The following CCNY variants were observed in gnomAD, a reference collection of about 807,000 sequenced individuals.
CCNY encodes cyclin Y.
Under a neutral mutation model 42.8 loss-of-function variants are expected in CCNY, and 19 were observed. That is an observed-to-expected ratio of 0.44 (90% CI 0.31 to 0.65). The LOEUF is 0.65. CCNY is among the 30% of genes least tolerant of loss of function. CCNY has a pLI of 0.07. For synonymous variants in CCNY, 165 were observed against 162.7 expected, an observed-to-expected ratio of 1.01 and a Z score of -0.11; for missense variants, 370 against 437.3, an observed-to-expected ratio of 0.85 and a Z score of 1.37.
At chr10:35,367,221 C>G (rs751490921) in intron 1 of CCNY, among the ~76,000 whole-genome samples, 2 of 152,046 alleles carry the variant, frequency 1.3e-5, no homozygotes, top group Non-Finnish European at 2.9e-5. Flanking sequence ...GTAGAGTGTT[C>G]TATTTTATAG....
At chr10:35,448,421 T>A (rs929235890) in intron 1 of CCNY, among the ~76,000 whole-genome samples, 3 of 152,236 alleles carry the variant, frequency 2.0e-5, no homozygotes, top group Non-Finnish European at 4.4e-5. Flanking sequence ...TTAATTTCTC[T>A]ATGTCTCTTT....
At chr10:35,434,904 C>A (rs920823914) in intron 1 of CCNY, among the ~76,000 whole-genome samples, 9 of 152,162 alleles carry the variant, frequency 5.9e-5, no homozygotes, top group Non-Finnish European at 1.2e-4. Context: ...TACTTTCTTT[C>A]TACTTAATGT....
At chr10:35,552,246 G>A (rs949963176) in intron 7 of CCNY, among the ~76,000 whole-genome samples, 3 of 152,182 alleles carry the variant, frequency 2.0e-5, no homozygotes, top group East Asian at 1.9e-4. Flanking sequence ...GTCATTATGC[G>A]AAGTGATAAT....
intron 1 of CCNY, among the ~76,000 whole-genome samples, chr10:35,340,688 G>T (rs569498114): frequency 5.3e-4 from 81 of 152,190 alleles, no homozygotes; most frequent in African/African-American, 1.9e-3. Flanking sequence ...ATTTTTAGTA[G>T]AGATGGGGTT....
intron 7 of CCNY, among the ~76,000 whole-genome samples, chr10:35,547,906 A>G (rs1388050098): frequency 2.0e-5 from 3 of 152,038 alleles, no homozygotes; most frequent in African/African-American, 7.2e-5. Flanking sequence ...TCACCCAACT[A>G]ATTTGGGAAG....
At chr10:35,560,446 G>A (rs192655932) in intron 8 of CCNY, among the ~76,000 whole-genome samples, 3 of 152,260 alleles carry the variant, frequency 2.0e-5, no homozygotes, top group East Asian at 3.9e-4. Flanking sequence ...ATAAGAAGAA[G>A]AGATCAGAAC....
intron 1 of CCNY, among the ~76,000 whole-genome samples, chr10:35,388,665 A>G (rs1373469611): frequency 3.3e-5 from 5 of 152,170 alleles, no homozygotes; most frequent in Non-Finnish European, 7.4e-5. Context: ...CTCTGTGTTC[A>G]TTTTCTGCTG....
At chr10:35,279,115 T>G (rs1835271430) in intron 3 of CCNY, among the ~76,000 whole-genome samples, 1 of 147,804 alleles carries the variant, frequency 6.8e-6, no homozygotes, top group Non-Finnish European at 1.5e-5. Context: ...TCAATGTTTT[T>G]TTTTTTTTTT....
intron 7 of CCNY, among the ~76,000 whole-genome samples, chr10:35,545,271 A>T (rs1841088721): frequency 6.6e-6 from 1 of 152,148 alleles, no homozygotes; most frequent in African/African-American, 2.4e-5. Context: ...TTAGACAGAT[A>T]TTCTGTTAAT....
At chr10:35,534,802 C>T (rs1360156317) in intron 7 of CCNY, among the ~76,000 whole-genome samples, 1 of 151,962 alleles carries the variant, frequency 6.6e-6, no homozygotes. Context: ...TGTCATTTGC[C>T]TATTCTGAAC....
chr10:35,393,945 A>G (rs1589086686), intron 1 of CCNY, among the ~76,000 whole-genome samples: 1 of 152,226 alleles, frequency 6.6e-6, no homozygotes, highest in Admixed American at 6.5e-5. Flanking sequence ...TTTAATCTGT[A>G]TATAAAAAAA....
intron 1 of CCNY, among the ~76,000 whole-genome samples, chr10:35,466,579 A>C (rs935996692): frequency 6.6e-6 from 1 of 152,132 alleles, no homozygotes; most frequent in Non-Finnish European, 1.5e-5. Flanking sequence ...ACAGAAGGGA[A>C]CAGGCACTAG....
intron 3 of CCNY, among the ~76,000 whole-genome samples, chr10:35,325,327 C>T (rs765767408): frequency 2.0e-5 from 3 of 152,066 alleles, no homozygotes; most frequent in East Asian, 1.9e-4. Flanking sequence ...TACAGGCGTG[C>T]GCCATCACAC....
intron 7 of CCNY, among the ~76,000 whole-genome samples, chr10:35,543,650 TTACTA>T (rs1225298145): frequency 2.0e-5 from 3 of 152,020 alleles, no homozygotes; most frequent in South Asian, 2.1e-4. Context: ...TTTAATGTGT[TTACTA>T]TACTATACTT....
At chr10:35,479,893 A>G (rs1839626643) in intron 1 of CCNY, among the ~76,000 whole-genome samples, 1 of 151,958 alleles carries the variant, frequency 6.6e-6, no homozygotes, top group African/African-American at 2.4e-5. Flanking sequence ...TTTTTCCTTC[A>G]TGGCTAAAAT....
chr10:35,328,757 A>G (rs553030645), intron 3 of CCNY, among the ~76,000 whole-genome samples: 2 of 152,354 alleles, frequency 1.3e-5, no homozygotes, highest in East Asian at 3.9e-4. Context: ...CTCCAACTGT[A>G]TGCAGCTTCC....
chr10:35,302,380 G>A (rs561828027), intron 3 of CCNY, among the ~76,000 whole-genome samples: 4 of 148,900 alleles, frequency 2.7e-5, no homozygotes, highest in Non-Finnish European at 5.9e-5. Flanking sequence ...GCGCGATCTC[G>A]GCTCACTGCA....
At position 35,483,439 on chromosome 10, in the gene CCNY, C is replaced by A; in HGVS notation, c.190C>A (p.Arg64=). 1 of 1,608,894 alleles carries A rather than the reference C, an allele frequency of 6.2e-7. No homozygotes were observed. Among genetic ancestry groups the A allele is most frequent in the South Asian group, 1.1e-5 (1 of 90,552 alleles). The change falls in exon 2 of 10, where the codon CGG becomes AGG. Residue 64 remains arginine, a synonymous_variant. Transcript: ENST00000374704. ...GGAATTCAATCCTTCAGATCATCCT[C>A]GGGCCAGCACAATATTCCTCAGTAA... ...NMEFNPSDHP[R]ASTIFLSKSQ...
chr10:35,485,253 C>G (rs1311328895), intron 2 of CCNY, among the ~76,000 whole-genome samples: 1 of 152,202 alleles, frequency 6.6e-6, no homozygotes, highest in African/African-American at 2.4e-5. Flanking sequence ...GTAGAGTGAC[C>G]TAAGGACATT....
Sources: allele counts gnomAD v4.1 joint callset (sites outside exome capture counted in the v4.1 genomes callset), GRCh38; gene constraint gnomAD v4.1.1; transcripts MANE v1.5; gene names NCBI Gene and HGNC (gene_info 2026-07-23, HGNC 2026-07-21).